COL21A1: variants seen among roughly 807,000 people sequenced by gnomAD.
COL21A1 encodes the protein collagen type XXI alpha 1 chain, also known as collagen alpha-1(XXI) chain.
A neutral mutation model predicts 137.9 loss-of-function variants in COL21A1; 149 were observed. That is an observed-to-expected ratio of 1.08 (90% CI 0.95 to 1.24). The LOEUF (loss-of-function observed/expected upper bound fraction) is 1.24, where lower values mean the gene tolerates loss of function less well. COL21A1 is among the 50% of genes most tolerant of loss of function. The probability of loss-of-function intolerance (pLI) is 0.00; values close to 1 mark genes in which losing one functional copy is unlikely to be tolerated. For synonymous variants in COL21A1, 456 were observed against 391.5 expected (o/e 1.16, Z -1.95); for missense variants, 1,167 against 1,158.4 (o/e 1.01, Z -0.11).
chr6:56,132,091 A>T (rs1479808795), intron 12 of COL21A1, among the ~76,000 whole-genome samples: 1 of 150,704 alleles, frequency 6.6e-6, no homozygotes, highest in Non-Finnish European at 1.5e-5. Context: ...ATAGCTTTTT[A>T]TATATATAAT....
intron 1 of COL21A1, among the ~76,000 whole-genome samples, chr6:56,333,448 T>C (rs1253306270): frequency 1.3e-5 from 2 of 152,134 alleles, no homozygotes; most frequent in Non-Finnish European, 2.9e-5. Context: ...TTTATCCATA[T>C]TGTAATGTAT....
intron 3 of COL21A1, among the ~76,000 whole-genome samples, chr6:56,179,226 G>T (rs1382181490): frequency 1.3e-5 from 2 of 151,878 alleles, no homozygotes; most frequent in Non-Finnish European, 2.9e-5. Flanking sequence ...TTAACGGGGT[G>T]ATATGATTAT....
At position 56,307,199 on chromosome 6, in the gene COL21A1, G is replaced by A. The variant is rs185792049; in HGVS notation, c.-39+86772C>T. On this transcript the variant is annotated intron_variant, in intron 1 of 28. Coordinates refer to the COL21A1 transcript ENST00000370819. ...ACCCACTTGAGGAGGCAGTCTGTCC[G>A]TTCTCAGATCTCCAGCTACATGCTG... 6.2e-3 allele frequency among the ~76,000 whole-genome samples: 948 copies of A among 152,318 alleles called. 13 individuals carry two copies. Among genetic ancestry groups the A allele is most frequent in the African/African-American group, 0.021 (877 of 41,578 alleles).
At chr6:56,264,199 T>C (rs1192035360) in intron 1 of COL21A1, among the ~76,000 whole-genome samples, 1 of 152,322 alleles carries the variant, frequency 6.6e-6, no homozygotes, top group Middle Eastern at 3.4e-3. Context: ...CATAAACATT[T>C]CAAATAAATC....
intron 21 of COL21A1, among the ~76,000 whole-genome samples, chr6:56,070,370 T>C (rs1766636814): frequency 6.6e-6 from 1 of 151,496 alleles, no homozygotes; most frequent in Non-Finnish European, 1.5e-5. Flanking sequence ...CTATTGTGAG[T>C]TCTATATCAA....
chr6:56,258,783 G>T (rs569532597), intron 1 of COL21A1, among the ~76,000 whole-genome samples: 1 of 152,076 alleles, frequency 6.6e-6, no homozygotes, highest in South Asian at 2.1e-4. Context: ...TCTTAACTCA[G>T]TTGAATAATT....
At chr6:56,235,976 T>C (rs1167828053) in intron 1 of COL21A1, among the ~76,000 whole-genome samples, 1 of 152,002 alleles carries the variant, frequency 6.6e-6, no homozygotes, top group African/African-American at 2.4e-5. Flanking sequence ...GTTGACTAAA[T>C]GGTCTTAGCT....
At position 56,142,249 on chromosome 6, in the gene COL21A1, T is replaced by C. The variant is rs1405339952; in HGVS notation, c.1435-266A>G. Among the ~76,000 whole-genome samples the C allele has an allele frequency of 2.0e-5, 3 of 152,156 alleles. No homozygotes were observed. The East Asian group carries it at 5.8e-4, about 29-fold the overall frequency. ...AATCTTAAATTAAGAGGAGAGTTAA[T>C]GTTCACAGTTTCTTAAGAAATGTAC... On this transcript the variant is annotated intron_variant, in intron 10 of 29. Coordinates refer to ENST00000244728, the MANE Select transcript of COL21A1 (RefSeq NM_030820.4).
chr6:56,098,260 C>CATATATAAATATATAAAT (rs1562191066), intron 17 of COL21A1, among the ~76,000 whole-genome samples: 3 of 18,872 alleles, frequency 1.6e-4, no homozygotes, highest in East Asian at 3.0e-3. Flanking sequence ...TATATAAATA[C>CATATATAAATATATAAAT]ATATATAAAT....
chr6:56,068,795 T>A, intron 22 of COL21A1: 1 of 316,036 alleles, frequency 3.2e-6, no homozygotes, highest in Non-Finnish European at 5.7e-6. Context: ...TACTTAATTG[T>A]ACATTCATAT....
Position 56,179,768 on chromosome 6 carries a change from G to C in COL21A1, c.450C>G (p.Asp150Glu). The C allele has an allele frequency of 6.2e-7, 1 of 1,613,832 alleles. No individual in the cohort carries two copies. The highest frequency in any genetic ancestry group is 8.5e-7 in the Non-Finnish European group (1 of 1,179,814). ...TTGCTGCTTGAGCTGCATCCTTGAC[G>C]TCATCTTGGGATTTGCCATCCGTAA... ...VVLTDGKSQD[D>E]VKDAAQAARD... The change falls in exon 3 of 30, where the codon GAC (aspartate) becomes GAG (glutamate). Residue 150 changes from aspartate (D) to glutamate (E), a missense_variant. Physicochemically the swap from Asp to Glu is conservative, Grantham distance 45 (BLOSUM62 2). Coordinates refer to ENST00000244728, the MANE Select transcript of COL21A1 (RefSeq NM_030820.4).
intron 1 of COL21A1, among the ~76,000 whole-genome samples, chr6:56,218,407 T>C (rs1780620169): frequency 6.6e-6 from 1 of 151,574 alleles, no homozygotes; most frequent in Non-Finnish European, 1.5e-5. Context: ...AGGTGCTCTT[T>C]AACTGTATAG....
chr6:56,330,748 A>C (rs1017415356), intron 1 of COL21A1, among the ~76,000 whole-genome samples: 1 of 152,022 alleles, frequency 6.6e-6, no homozygotes, highest in Admixed American at 6.6e-5. Context: ...TTGTGAATGG[A>C]GCTGTGATGA....
At chr6:56,293,987 A>G (rs1764110965) in intron 1 of COL21A1, among the ~76,000 whole-genome samples, 1 of 152,178 alleles carries the variant, frequency 6.6e-6, no homozygotes, top group South Asian at 2.1e-4. Context: ...CAAAGTGCAT[A>G]TGGTGAAAAC....
intron 1 of COL21A1, among the ~76,000 whole-genome samples, chr6:56,351,375 C>G (rs1255135971): frequency 6.6e-6 from 1 of 152,212 alleles, no homozygotes; most frequent in Non-Finnish European, 1.5e-5. Flanking sequence ...TCTCTTGTCT[C>G]TCCCAGCTTC....
At chr6:56,092,171 A>G (rs1051355874) in intron 17 of COL21A1, among the ~76,000 whole-genome samples, 2 of 152,202 alleles carry the variant, frequency 1.3e-5, no homozygotes, top group African/African-American at 4.8e-5. Context: ...AAAAACAATA[A>G]TTATTTTTGT....
At chr6:56,151,067 C>CA (rs10709990) in intron 10 of COL21A1, among the ~76,000 whole-genome samples, 1 of 151,462 alleles carries the variant, frequency 6.6e-6, no homozygotes, top group Non-Finnish European at 1.5e-5. Context: ...ACTAAAAATA[C>CA]AAAAAAAAAT....
At chr6:56,218,090 G>A (rs1370145298) in intron 1 of COL21A1, among the ~76,000 whole-genome samples, 1 of 152,032 alleles carries the variant, frequency 6.6e-6, no homozygotes, top group Non-Finnish European at 1.5e-5. Context: ...CTATAAAGTT[G>A]TCTAAATACA....
chr6:56,392,313 C>T (rs979873014), intron 1 of COL21A1, among the ~76,000 whole-genome samples: 1 of 151,806 alleles, frequency 6.6e-6, no homozygotes, highest in Admixed American at 6.6e-5. Context: ...TGATAAAAAC[C>T]CTCAGAAATG....
Sources: allele counts gnomAD v4.1 joint callset (sites outside exome capture counted in the v4.1 genomes callset), GRCh38; gene constraint gnomAD v4.1.1; transcripts MANE v1.5; gene names NCBI Gene and HGNC (gene_info 2026-07-23, HGNC 2026-07-21).